Variants in NBAS observed in about 807,000 individuals in gnomAD.
NBAS encodes NAG/BC035112 fusion.
In NBAS, 219 loss-of-function variants were observed where a neutral mutation model predicts 302.5. That is an observed-to-expected ratio of 0.72 (90% CI 0.65 to 0.81). The LOEUF (loss-of-function observed/expected upper bound fraction) is 0.81, where lower values mean the gene tolerates loss of function less well. Among genes scored for constraint, NBAS ranks in the 30% least tolerant of loss-of-function variants. The pLI is 0.00. For missense variants in NBAS, 2,932 were observed against 2,841.6 expected, an observed-to-expected ratio of 1.03 and a Z score of -0.72; for synonymous variants, 1,118 against 1,021.6, an observed-to-expected ratio of 1.09 and a Z score of -1.80.
At chr2:15,425,449 G>C (rs532567983) in intron 22 of NBAS, among the ~76,000 whole-genome samples, 3 of 152,256 alleles carry the variant, frequency 2.0e-5, no homozygotes, top group African/African-American at 7.2e-5. Flanking sequence ...AGAATGTTGT[G>C]AAAATTCAAA....
intron 40 of NBAS, among the ~76,000 whole-genome samples, chr2:15,297,413 T>C (rs1670598589): frequency 6.6e-6 from 1 of 152,208 alleles, no homozygotes; most frequent in Non-Finnish European, 1.5e-5. Context: ...AATCCCCATG[T>C]GCTGAAAAAG....
intron 47 of NBAS, among the ~76,000 whole-genome samples, chr2:15,222,881 A>T (rs1428182161): frequency 6.6e-6 from 1 of 152,234 alleles, no homozygotes; most frequent in East Asian, 1.9e-4. Flanking sequence ...TCAAGTTATT[A>T]AATCAAATTA....
chr2:15,336,175 G>A (rs947422819), intron 35 of NBAS, among the ~76,000 whole-genome samples: 3 of 151,832 alleles, frequency 2.0e-5, no homozygotes, highest in African/African-American at 7.3e-5. Context: ...TATTTTTGCT[G>A]TAAGTAAAAT....
chr2:15,001,321 G>A, the NBAS span, among the ~76,000 whole-genome samples: 1 of 151,948 alleles, frequency 6.6e-6, no homozygotes, highest in Admixed American at 6.6e-5. Flanking sequence ...CACACACACA[G>A]CTATTCCAGT....
At chr2:14,803,714 A>G in the NBAS span, among the ~76,000 whole-genome samples, 2 of 152,154 alleles carry the variant, frequency 1.3e-5, no homozygotes, top group Non-Finnish European at 2.9e-5. Context: ...CAATGGCACA[A>G]TCTTGGCTCA....
intron 47 of NBAS, among the ~76,000 whole-genome samples, chr2:15,221,203 A>T (rs1666935087): frequency 6.6e-6 from 1 of 152,242 alleles, no homozygotes; most frequent in Admixed American, 6.5e-5. Context: ...CCGTTAAAAA[A>T]AATCTGATGG....
At chr2:15,297,920 G>C (rs1239377195) in intron 40 of NBAS, among the ~76,000 whole-genome samples, 2 of 152,026 alleles carry the variant, frequency 1.3e-5, no homozygotes, top group Non-Finnish European at 2.9e-5. Flanking sequence ...TTTTCAACTG[G>C]ATATTCTATT....
the NBAS span, among the ~76,000 whole-genome samples, chr2:14,930,550 CAAAT>C: frequency 1.3e-5 from 2 of 152,140 alleles, no homozygotes; most frequent in Non-Finnish European, 2.9e-5. Flanking sequence ...AATATGAGAT[CAAAT>C]AAATAGTTTT....
the NBAS span, among the ~76,000 whole-genome samples, chr2:15,141,996 G>A: frequency 6.6e-6 from 1 of 152,208 alleles, no homozygotes; most frequent in Non-Finnish European, 1.5e-5. Flanking sequence ...AAAACAGTGT[G>A]AGTCTGTGAC....
At chr2:15,073,144 A>C in the NBAS span, among the ~76,000 whole-genome samples, 33 of 152,172 alleles carry the variant, frequency 2.2e-4, no homozygotes, top group African/African-American at 6.3e-4. Context: ...ACAACAACAA[A>C]AAAGAATAAC....
the NBAS span, among the ~76,000 whole-genome samples, chr2:14,803,756 TCTC>T: frequency 6.6e-6 from 1 of 152,112 alleles, no homozygotes; most frequent in Non-Finnish European, 1.5e-5. Context: ...TTCAAGCAAT[TCTC>T]CTGCTTCAGC....
chr2:15,534,437 A>G, intron 9 of NBAS, 106 bp downstream of exon 9: 1 of 844,484 alleles, frequency 1.2e-6, no homozygotes, highest in Non-Finnish European at 2.1e-6. Context: ...TACGCACAAG[A>G]GGAGGAAATT....
At chr2:14,785,484 G>T in the NBAS span, among the ~76,000 whole-genome samples, 1 of 152,072 alleles carries the variant, frequency 6.6e-6, no homozygotes, top group Non-Finnish European at 1.5e-5. Flanking sequence ...ATTATTTTGA[G>T]ATATGTCCCA....
chr2:15,469,356 T>C (rs988258197), intron 16 of NBAS, among the ~76,000 whole-genome samples: 17 of 152,228 alleles, frequency 1.1e-4, no homozygotes, highest in African/African-American at 4.1e-4. Flanking sequence ...TAAATTTCCC[T>C]CTACACACTG....
chr2:14,782,692 A>G, the NBAS span, among the ~76,000 whole-genome samples: 1 of 152,362 alleles, frequency 6.6e-6, no homozygotes, highest in East Asian at 1.9e-4. Context: ...AATAGCAAAG[A>G]CAAGGAATCA....
intron 48 of NBAS, among the ~76,000 whole-genome samples, chr2:15,208,134 C>T (rs879520888): frequency 2.4e-4 from 36 of 151,990 alleles, no homozygotes; most frequent in Admixed American, 1.2e-3. Flanking sequence ...TAATTTATAA[C>T]GAAAAAGAGG....
At chr2:14,896,431 T>G in the NBAS span, among the ~76,000 whole-genome samples, 3 of 152,200 alleles carry the variant, frequency 2.0e-5, no homozygotes, top group African/African-American at 7.2e-5. Flanking sequence ...AATTTTTCCC[T>G]TAGTCATTCT....
At chr2:15,539,457 T>G (rs1450750745) in intron 6 of NBAS, 101 bp from the exon 7 acceptor site, 3 of 1,379,792 alleles carry the variant, frequency 2.2e-6, no homozygotes, top group Admixed American at 3.6e-5. Context: ...GTACAATAAT[T>G]ACGTCATCTC....
At chr2:15,028,164 T>C in the NBAS span, among the ~76,000 whole-genome samples, 1 of 152,206 alleles carries the variant, frequency 6.6e-6, no homozygotes, top group Non-Finnish European at 1.5e-5. Context: ...CATCAGGAAC[T>C]GATGTGCTTA....
Sources: allele counts gnomAD v4.1 joint callset (sites outside exome capture counted in the v4.1 genomes callset), GRCh38; gene constraint gnomAD v4.1.1; transcripts MANE v1.5; gene names NCBI Gene and HGNC (gene_info 2026-07-23, HGNC 2026-07-21).